Variants in SHISA9 observed in about 807,000 individuals in gnomAD.
SHISA9 encodes shisa family member 9, also known as protein shisa-9.
In SHISA9, 13 loss-of-function variants were observed where a neutral mutation model predicts 38.0. The ratio of observed to expected loss-of-function variants is 0.34; its 90% confidence interval spans 0.22 to 0.54. The LOEUF is 0.54. Among genes scored for constraint, SHISA9 ranks in the 20% least tolerant of loss-of-function variants. SHISA9 has a pLI of 0.91. For synonymous variants in SHISA9, 275 were observed against 242.0 expected, an observed-to-expected ratio of 1.14 and a Z score of -1.27; for missense variants, 538 against 575.8, an observed-to-expected ratio of 0.93 and a Z score of 0.67.
At chr16:13,396,382 T>C in the SHISA9 span, among the ~76,000 whole-genome samples, 1 of 152,166 alleles carries the variant, frequency 6.6e-6, no homozygotes, top group South Asian at 2.1e-4. Flanking sequence ...TGGTGTGCAC[T>C]TGTAATTCCA....
intron 2 of SHISA9, among the ~76,000 whole-genome samples, chr16:12,955,842 C>T (rs1013127306): frequency 1.3e-5 from 2 of 151,954 alleles, no homozygotes; most frequent in Non-Finnish European, 2.9e-5. Context: ...TGGACATTAG[C>T]CTAAGTGAAT....
chr16:12,940,872 A>T (rs2071601684), intron 2 of SHISA9, among the ~76,000 whole-genome samples: 1 of 151,962 alleles, frequency 6.6e-6, no homozygotes, highest in African/African-American at 2.4e-5. Flanking sequence ...GAAATGGAAT[A>T]ATGCATGTAA....
chr16:13,416,761 AGGAAGGAAGGAAG>A, the SHISA9 span, among the ~76,000 whole-genome samples: 2 of 130,772 alleles, frequency 1.5e-5, no homozygotes, highest in African/African-American at 5.9e-5. Flanking sequence ...GAAGGAAGGA[AGGAAGGAAGGAAG>A]GGAAGGAAGG....
the SHISA9 span, among the ~76,000 whole-genome samples, chr16:13,478,231 G>T: frequency 6.6e-6 from 1 of 152,120 alleles, no homozygotes; most frequent in Non-Finnish European, 1.5e-5. Flanking sequence ...TCACTGAGGG[G>T]CATCCTCCTG....
chr16:13,127,860 GGAGAGA>G (rs368966539), intron 2 of SHISA9, among the ~76,000 whole-genome samples: 278 of 152,272 alleles, frequency 1.8e-3, no homozygotes, highest in African/African-American at 6.5e-3. Flanking sequence ...GTAGCGCTTT[GGAGAGA>G]AGCTCACAGG....
the SHISA9 span, among the ~76,000 whole-genome samples, chr16:13,425,773 A>T: frequency 6.6e-6 from 1 of 152,304 alleles, no homozygotes; most frequent in Non-Finnish European, 1.5e-5. Flanking sequence ...GTCATTATGG[A>T]TTTTGCACTA....
chr16:13,214,399 G>A (rs2051148582), intron 4 of SHISA9, among the ~76,000 whole-genome samples: 1 of 152,038 alleles, frequency 6.6e-6, no homozygotes, highest in Non-Finnish European at 1.5e-5. Context: ...GTAGAAACGG[G>A]GTTTCACCGT....
the SHISA9 span, among the ~76,000 whole-genome samples, chr16:13,528,335 G>A: frequency 8.9e-3 from 1,356 of 151,936 alleles, 23 homozygotes; most frequent in African/African-American, 0.03. Context: ...GAGCATCAGA[G>A]CAGCCAATTA....
At chr16:13,469,365 A>AAGAAAGAAAGAAAG in the SHISA9 span, among the ~76,000 whole-genome samples, 1 of 64,454 alleles carries the variant, frequency 1.6e-5, no homozygotes, top group Non-Finnish European at 3.1e-5. Flanking sequence ...AAAGAAAAGA[A>AAGAAAGAAAGAAAG]AAAGAAAGAA....
chr16:13,451,863 C>T, the SHISA9 span, among the ~76,000 whole-genome samples: 1 of 152,180 alleles, frequency 6.6e-6, no homozygotes, highest in African/African-American at 2.4e-5. Flanking sequence ...AACTTTGAGC[C>T]ATGCATGGAA....
the SHISA9 span, chr16:13,331,992 G>A: frequency 2.6e-5 from 4 of 152,024 alleles, no homozygotes; most frequent in Non-Finnish European, 5.9e-5. Flanking sequence ...ATAATAACCT[G>A]GCTGGGTTAG....
intron 1 of SHISA9, among the ~76,000 whole-genome samples, chr16:12,914,052 T>C (rs1163460699): frequency 6.7e-6 from 1 of 149,078 alleles, no homozygotes; most frequent in Non-Finnish European, 1.5e-5. Context: ...TTTTCTTTTT[T>C]TTTTTTTTTT....
intron 2 of SHISA9, among the ~76,000 whole-genome samples, chr16:13,003,614 T>C (rs1043779810): frequency 6.6e-6 from 1 of 152,048 alleles, no homozygotes; most frequent in Non-Finnish European, 1.5e-5. Context: ...TCCCAGCATT[T>C]TGGGAGGCCA....
At chr16:13,469,391 A>AAGAAAGAAAG in the SHISA9 span, among the ~76,000 whole-genome samples, 1 of 125,928 alleles carries the variant, frequency 7.9e-6, no homozygotes, top group Non-Finnish European at 1.7e-5. Context: ...GAAAGAAAGA[A>AAGAAAGAAAG]AGAAAGAAAG....
intron 2 of SHISA9, among the ~76,000 whole-genome samples, chr16:13,167,119 C>A (rs1159036749): frequency 1.5e-5 from 2 of 136,228 alleles, no homozygotes; most frequent in African/African-American, 5.6e-5. Context: ...GTTGCCCAGG[C>A]TGGAGTGCAA....
chr16:13,088,432 C>G (rs988998861), intron 2 of SHISA9, among the ~76,000 whole-genome samples: 1 of 152,178 alleles, frequency 6.6e-6, no homozygotes, highest in Non-Finnish European at 1.5e-5. Flanking sequence ...GATATTGATT[C>G]TTCCTATCCA....
rs1335940563 is a variant in SHISA9 at position 13,205,374 on chromosome 16, C to T, written c.847+1825C>T. Among the ~76,000 whole-genome samples, 4 of 152,170 alleles carry T rather than the reference C, an allele frequency of 2.6e-5. No homozygotes were observed. The South Asian group carries it at 6.2e-4, about 24-fold the overall frequency. ...CCTTTTCTTTCCTTCTCACTGTGTC[C>T]TGTGAGCTCTAAGTTTTTCTCCCTG... On this transcript the variant is annotated intron_variant, in intron 3 of 4. Transcript: ENST00000558583.
chr16:12,973,942 G>A (rs1008174589), intron 2 of SHISA9, among the ~76,000 whole-genome samples: 1 of 152,180 alleles, frequency 6.6e-6, no homozygotes, highest in African/African-American at 2.4e-5. Flanking sequence ...GTTGCCTGTG[G>A]CATAAAAGTA....
At chr16:13,142,836 A>G (rs893576810) in intron 2 of SHISA9, among the ~76,000 whole-genome samples, 1 of 152,160 alleles carries the variant, frequency 6.6e-6, no homozygotes, top group South Asian at 2.1e-4. Context: ...TTTAGAGGGG[A>G]CATGATTCAG....
Sources: gnomAD v4.1 joint callset for allele counts (sites outside exome capture counted in the v4.1 genomes callset) on GRCh38, gnomAD v4.1.1 for gene constraint, MANE v1.5 for transcripts, NCBI Gene and HGNC (gene_info 2026-07-23, HGNC 2026-07-21) for gene names.